Variants in NHERF2 observed in about 807,000 individuals in gnomAD.
NHERF2 encodes NHERF family PDZ scaffold protein 2.
chr16:2,037,730 A>G, the NHERF2 span: 7 of 1,550,074 alleles, frequency 4.5e-6, no homozygotes, highest in Non-Finnish European at 1.7e-6. Context: ...CAGCCCCAGC[A>G]GGCAGCCTCT....
the NHERF2 span, chr16:2,035,961 G>A: frequency 4.0e-6 from 1 of 251,950 alleles, no homozygotes; most frequent in African/African-American, 2.2e-5. Context: ...GGGACGCACA[G>A]GCAGAGCCCT....
chr16:2,033,070 C>T, the NHERF2 span: 1 of 985,412 alleles, frequency 1.0e-6, no homozygotes, highest in Non-Finnish European at 1.2e-6. Context: ...CCCCTCAGCC[C>T]TGGGTCCTGG....
the NHERF2 span, chr16:2,036,702 G>A: frequency 2.1e-5 from 34 of 1,607,960 alleles, no homozygotes; most frequent in South Asian, 1.6e-4. Flanking sequence ...GCCCATGGCG[G>A]GGCTGATACA....
the NHERF2 span, chr16:2,029,786 T>C: frequency 1.3e-6 from 2 of 1,548,636 alleles, no homozygotes; most frequent in Non-Finnish European, 1.7e-6. Flanking sequence ...CAAGAAGGTA[T>C]GGCGGGCTTG....
At chr16:2,038,004 G>C in the NHERF2 span, 1 of 1,612,556 alleles carries the variant, frequency 6.2e-7, no homozygotes, top group Non-Finnish European at 8.5e-7. Flanking sequence ...TGCCTGTCTC[G>C]GGACCCTGGG....
chr16:2,027,213 C>T, the NHERF2 span: 1 of 1,365,916 alleles, frequency 7.3e-7, no homozygotes, highest in African/African-American at 1.5e-5. Flanking sequence ...CGAGACGCAC[C>T]ACCAGGTGGG....
At chr16:2,038,132 C>A in the NHERF2 span, 1 of 960,608 alleles carries the variant, frequency 1.0e-6, no homozygotes, top group Non-Finnish European at 1.5e-6. Flanking sequence ...AGCCCCCATC[C>A]TGCCCCTGCC....
the NHERF2 span, among the ~76,000 whole-genome samples, chr16:2,028,879 G>A: frequency 2.6e-5 from 4 of 152,116 alleles, no homozygotes; most frequent in Non-Finnish European, 5.9e-5. Flanking sequence ...ACACACCGAC[G>A]GCCACCAAGC....
chr16:2,037,950 G>A, the NHERF2 span: 1 of 1,613,554 alleles, frequency 6.2e-7, no homozygotes, highest in Non-Finnish European at 8.5e-7. Flanking sequence ...CAGATGGACT[G>A]GAACAGGAAG....
the NHERF2 span, among the ~76,000 whole-genome samples, chr16:2,029,332 GGGCA>G: frequency 8.1e-6 from 1 of 124,048 alleles, no homozygotes; most frequent in Admixed American, 8.0e-5. Flanking sequence ...CCTGGGCTAA[GGGCA>G]AGGCTCTGGG....
At chr16:2,035,591 C>T in the NHERF2 span, 1 of 986,794 alleles carries the variant, frequency 1.0e-6, no homozygotes, top group Non-Finnish European at 1.2e-6. Context: ...CCGCTGGCCA[C>T]CGCCGCCGCA....
chr16:2,037,799 A>T, the NHERF2 span: 2 of 1,564,140 alleles, frequency 1.3e-6, no homozygotes, highest in Admixed American at 1.9e-5. Flanking sequence ...CTCACTCCAG[A>T]CACCCCACCC....
chr16:2,038,622 G>C, the NHERF2 span: 1 of 277,998 alleles, frequency 3.6e-6, no homozygotes, highest in Non-Finnish European at 6.9e-6. Flanking sequence ...GTGGCCGTAG[G>C]AGCTGCCCCT....
At chr16:2,037,002 A>G in the NHERF2 span, 2 of 1,549,938 alleles carry the variant, frequency 1.3e-6, no homozygotes, top group Non-Finnish European at 1.7e-6. Flanking sequence ...TGCCCAGGTA[A>G]GAGGGTGGGG....
chr16:2,029,793 C>T, the NHERF2 span: 3 of 1,533,164 alleles, frequency 2.0e-6, no homozygotes, highest in Non-Finnish European at 2.6e-6. Flanking sequence ...GTATGGCGGG[C>T]TTGGCCCACA....
At chr16:2,031,194 G>T in the NHERF2 span, among the ~76,000 whole-genome samples, 4 of 152,212 alleles carry the variant, frequency 2.6e-5, no homozygotes, top group African/African-American at 9.6e-5. Flanking sequence ...CAGCCTGGGC[G>T]CAGGCCTGCC....
At chr16:2,036,994 C>A in the NHERF2 span, 1 of 1,550,572 alleles carries the variant, frequency 6.4e-7, no homozygotes, top group East Asian at 2.4e-5. Flanking sequence ...ACCAGCCCTG[C>A]CCAGGTAAGA....
the NHERF2 span, among the ~76,000 whole-genome samples, chr16:2,037,159 G>T: frequency 6.6e-6 from 1 of 152,182 alleles, no homozygotes; most frequent in African/African-American, 2.4e-5. Context: ...CTCATCCTGG[G>T]TCGTGCCACA....
the NHERF2 span, among the ~76,000 whole-genome samples, chr16:2,028,823 C>A: frequency 6.6e-6 from 1 of 152,178 alleles, no homozygotes; most frequent in Admixed American, 6.5e-5. Flanking sequence ...CGCGGGTGTG[C>A]GCTGGCCCCC....
Sources: gnomAD v4.1 joint callset for allele counts (sites outside exome capture counted in the v4.1 genomes callset) on GRCh38, gnomAD v4.1.1 for gene constraint, MANE v1.5 for transcripts, NCBI Gene and HGNC (gene_info 2026-07-23, HGNC 2026-07-21) for gene names.